The following PID1 variants were observed in gnomAD, a reference collection of about 807,000 sequenced individuals.
The protein encoded by PID1 is PTB-containing, cubilin and LRP1-interacting protein.
In PID1, 10 loss-of-function variants were observed where a neutral mutation model predicts 19.1. That is an observed-to-expected ratio of 0.52 (90% CI 0.32 to 0.89). The LOEUF (loss-of-function observed/expected upper bound fraction) is 0.89. PID1 is among the 40% of genes least tolerant of loss of function. PID1 has a pLI of 0.03. For synonymous variants in PID1, 130 were observed against 116.0 expected (o/e 1.12, Z -0.78); for missense variants, 248 against 285.3 (o/e 0.87, Z 0.94).
chr2:229,243,457 C>T (rs757837139), intron 1 of PID1, among the ~76,000 whole-genome samples: 3 of 152,128 alleles, frequency 2.0e-5, no homozygotes, highest in Non-Finnish European at 4.4e-5. Flanking sequence ...ACTGATTCTG[C>T]TGTACTGTAA....
At chr2:229,219,474 C>T (rs1691918276) in intron 1 of PID1, among the ~76,000 whole-genome samples, 1 of 152,206 alleles carries the variant, frequency 6.6e-6, no homozygotes, top group African/African-American at 2.4e-5. Context: ...AATCACCTCC[C>T]ACTGGGTCCC....
chr2:229,258,342 T>C (rs1574764386), intron 1 of PID1, among the ~76,000 whole-genome samples: 2 of 152,204 alleles, frequency 1.3e-5, no homozygotes, highest in Non-Finnish European at 2.9e-5. Flanking sequence ...ATGAAAAATG[T>C]CATTTCAAGA....
At chr2:229,237,460 C>T (rs1689739628) in intron 1 of PID1, among the ~76,000 whole-genome samples, 2 of 152,220 alleles carry the variant, frequency 1.3e-5, no homozygotes, top group South Asian at 4.2e-4. Flanking sequence ...CTAGAGAGAA[C>T]ACTGTTTTGA....
chr2:229,256,345 T>C (rs541831731), intron 1 of PID1, among the ~76,000 whole-genome samples: 4 of 152,330 alleles, frequency 2.6e-5, no homozygotes, highest in African/African-American at 9.6e-5. Flanking sequence ...AATGAATTTG[T>C]AAAGATTTTA....
At chr2:229,071,573 T>C (rs1444319127) in intron 2 of PID1, among the ~76,000 whole-genome samples, 5 of 152,238 alleles carry the variant, frequency 3.3e-5, no homozygotes, top group African/African-American at 7.2e-5. Flanking sequence ...ATCTTCTATA[T>C]ATAAGTAACA....
At chr2:229,233,836 A>G (rs1692267981) in intron 1 of PID1, among the ~76,000 whole-genome samples, 1 of 152,208 alleles carries the variant, frequency 6.6e-6, no homozygotes, top group African/African-American at 2.4e-5. Context: ...GGAAACCTCT[A>G]CTACCAGCAT....
chr2:229,106,985 G>A (rs1695190092), intron 2 of PID1, among the ~76,000 whole-genome samples: 1 of 151,948 alleles, frequency 6.6e-6, no homozygotes, highest in African/African-American at 2.4e-5. Flanking sequence ...TGGATTTAGG[G>A]TGGCTTCTAA....
chr2:229,080,938 T>C (rs1694657155), intron 2 of PID1, among the ~76,000 whole-genome samples: 1 of 152,188 alleles, frequency 6.6e-6, no homozygotes, highest in Non-Finnish European at 1.5e-5. Context: ...TGAGGACATC[T>C]TCCCAGTACC....
chr2:229,025,877 T>C lies in PID1; in HGVS notation c.409A>G (p.Thr137Ala). The C allele has an allele frequency of 5.0e-6, 8 of 1,614,226 alleles. No individual in the cohort carries two copies. Among genetic ancestry groups the C allele is most frequent in the Non-Finnish European group, 6.8e-6 (8 of 1,180,036 alleles). ...TFQVARIAYC[T>A]ADHNVSPNIF... ...TTGGGGCTCACGTTGTGGTCGGCGG[T>C]GCAGTAGGCGATGCGGGCCACCTGG... The change falls in exon 3 of 3, where the codon ACC becomes GCC. Residue 137 changes from threonine to alanine, a missense_variant. Coordinates refer to ENST00000392055, the MANE Select transcript of PID1 (RefSeq NM_001100818.2).
At chr2:229,077,111 T>C (rs1694573987) in intron 2 of PID1, among the ~76,000 whole-genome samples, 1 of 152,230 alleles carries the variant, frequency 6.6e-6, no homozygotes, top group Non-Finnish European at 1.5e-5. Flanking sequence ...TGGTATCTCA[T>C]TGTGGTTTTG....
chr2:229,192,217 C>G (rs556537422), intron 1 of PID1, among the ~76,000 whole-genome samples: 2 of 152,126 alleles, frequency 1.3e-5, no homozygotes, highest in African/African-American at 4.8e-5. Flanking sequence ...CCTAGGAGTA[C>G]CTTTTTTATC....
rs928865836 is a variant in PID1, at chr2:229,046,389, T to C, written c.178-20281A>G. 4.1e-5 allele frequency among the ~76,000 whole-genome samples: 6 copies of C among 145,924 alleles called. No homozygotes were observed. In the East Asian group the frequency reaches 1.2e-3, roughly 30 times the overall value. On this transcript the variant is annotated intron_variant, in intron 2 of 2. Transcript: ENST00000392055. ...GTGTGTGTGTGTGTGTGCGTGTGTG[T>C]GTGTGTGTGAGTCAGGAGGGGGGGA...
intron 2 of PID1, among the ~76,000 whole-genome samples, chr2:229,073,464 G>A (rs963717171): frequency 2.0e-5 from 3 of 152,158 alleles, no homozygotes; most frequent in African/African-American, 7.2e-5. Flanking sequence ...GAATTGCCAC[G>A]CTCTACGCTT....
At chr2:229,181,312 T>G (rs1004879868) in intron 1 of PID1, among the ~76,000 whole-genome samples, 5 of 152,034 alleles carry the variant, frequency 3.3e-5, no homozygotes, top group African/African-American at 1.2e-4. Context: ...ACGTTGTATT[T>G]GAGAACCAGC....
At chr2:229,220,352 C>T (rs1260991856) in intron 1 of PID1, among the ~76,000 whole-genome samples, 1 of 152,076 alleles carries the variant, frequency 6.6e-6, no homozygotes, top group Non-Finnish European at 1.5e-5. Flanking sequence ...GAGGGGCATC[C>T]TTACTGCACA....
chr2:229,098,361 G>A (rs1385862529), intron 2 of PID1, among the ~76,000 whole-genome samples: 1 of 152,192 alleles, frequency 6.6e-6, no homozygotes, highest in Non-Finnish European at 1.5e-5. Context: ...TATGGTGTCA[G>A]GAATTTAGCA....
chr2:229,128,031 G>A (rs2106164581), intron 2 of PID1, among the ~76,000 whole-genome samples: 1 of 152,294 alleles, frequency 6.6e-6, no homozygotes, highest in Non-Finnish European at 1.5e-5. Flanking sequence ...TTTGTGTGCA[G>A]GGAGATGGCA....
intron 1 of PID1, among the ~76,000 whole-genome samples, chr2:229,183,865 A>G (rs7588507): frequency 0.66 from 3,727 of 5,666 alleles, 1,459 homozygotes; most frequent in African/African-American, 0.93. Context: ...CTCTCTCCTC[A>G]CTCTCTCTCT....
chr2:229,198,946 A>G (rs1398350021), intron 1 of PID1, among the ~76,000 whole-genome samples: 1 of 152,054 alleles, frequency 6.6e-6, no homozygotes. Context: ...TTTAAGATCC[A>G]CTACCAGCTT....
Sources: allele counts gnomAD v4.1 joint callset (sites outside exome capture counted in the v4.1 genomes callset), GRCh38; gene constraint gnomAD v4.1.1; transcripts MANE v1.5; gene names NCBI Gene and HGNC (gene_info 2026-07-23, HGNC 2026-07-21).